The following FRMD4A variants were observed in gnomAD, a reference collection of about 807,000 sequenced individuals.
FRMD4A encodes FERM domain containing 4A, also known as FERM domain-containing protein 4A.
FRMD4A carries 29 observed loss-of-function variants against 129.1 expected under a neutral mutation model. The ratio of observed to expected loss-of-function variants is 0.22; its 90% CI spans 0.17 to 0.31. The LOEUF (loss-of-function observed/expected upper bound fraction) is 0.31. FRMD4A is among the 10% of genes least tolerant of loss of function. The pLI, the probability that FRMD4A is intolerant of heterozygous loss-of-function variation, is 1.00. For synonymous variants in FRMD4A, 634 were observed against 571.6 expected, an observed-to-expected ratio of 1.11 and a Z score of -1.56; for missense variants, 1,272 against 1,375.8, an observed-to-expected ratio of 0.92 and a Z score of 1.19.
At chr10:14,320,775 C>T (rs1176724258) in intron 2 of FRMD4A, among the ~76,000 whole-genome samples, 1 of 152,210 alleles carries the variant, frequency 6.6e-6, no homozygotes, top group African/African-American at 2.4e-5. Flanking sequence ...AGGAAGCAGC[C>T]AATCAATACC....
chr10:13,902,456 G>GGAGAGA (rs140040052), intron 2 of FRMD4A, among the ~76,000 whole-genome samples: 15,972 of 127,556 alleles, frequency 0.13, 1,406 homozygotes, highest in Middle Eastern at 0.23. Flanking sequence ...GCAAAATACT[G>GGAGAGA]GAGAGAGAGA....
intron 8 of FRMD4A, among the ~76,000 whole-genome samples, chr10:13,749,938 A>G (rs2091486385): frequency 6.6e-6 from 1 of 151,310 alleles, no homozygotes; most frequent in Non-Finnish European, 1.5e-5. Context: ...TGGGTGACAG[A>G]GGGAGACCCT....
At chr10:14,125,796 C>G (rs1838806221) in intron 2 of FRMD4A, among the ~76,000 whole-genome samples, 1 of 152,178 alleles carries the variant, frequency 6.6e-6, no homozygotes, top group Non-Finnish European at 1.5e-5. Context: ...TCGGAACTTC[C>G]AGGCTGATAA....
intron 2 of FRMD4A, among the ~76,000 whole-genome samples, chr10:14,174,525 C>G (rs1049348122): frequency 7.2e-6 from 1 of 138,992 alleles, no homozygotes; most frequent in Non-Finnish European, 1.6e-5. Flanking sequence ...AGCACTGTTG[C>G]GTTTGTTCGT....
intron 2 of FRMD4A, among the ~76,000 whole-genome samples, chr10:14,105,708 A>C (rs953659866): frequency 6.6e-6 from 1 of 152,168 alleles, no homozygotes; most frequent in African/African-American, 2.4e-5. Context: ...ATAAATAGTG[A>C]TTGACTGGTA....
intron 15 of FRMD4A, among the ~76,000 whole-genome samples, chr10:13,678,046 G>A (rs1372556724): frequency 6.6e-6 from 1 of 152,142 alleles, no homozygotes; most frequent in African/African-American, 2.4e-5. Context: ...GAAACTCAAG[G>A]GAGGTAAAGC....
intron 2 of FRMD4A, chr10:13,971,839 C>T (rs1375259829): frequency 7.7e-7 from 1 of 1,303,628 alleles, no homozygotes. Flanking sequence ...TGGTCCCTGG[C>T]CCCACATCCA....
At chr10:14,309,635 C>CACTGAG in intron 2 of FRMD4A, among the ~76,000 whole-genome samples, 1 of 152,254 alleles carries the variant, frequency 6.6e-6, no homozygotes, top group South Asian at 2.1e-4. Context: ...ATTAAGGCTT[C>CACTGAG]ACTGAGCAGC....
chr10:14,027,172 G>T (rs1833022590), intron 2 of FRMD4A, among the ~76,000 whole-genome samples: 1 of 152,290 alleles, frequency 6.6e-6, no homozygotes, highest in African/African-American at 2.4e-5. Context: ...TTTCATAAGA[G>T]ATATACTACT....
chr10:13,698,057 T>C (rs1057396922), intron 14 of FRMD4A, among the ~76,000 whole-genome samples: 2 of 148,776 alleles, frequency 1.3e-5, no homozygotes, highest in Non-Finnish European at 1.5e-5. Context: ...CGTAGAATGG[T>C]TTCTTGATGT....
chr10:14,324,176 C>T (rs1195279054), intron 2 of FRMD4A, among the ~76,000 whole-genome samples: 1 of 152,064 alleles, frequency 6.6e-6, no homozygotes, highest in Admixed American at 6.5e-5. Flanking sequence ...ATATATTTAG[C>T]AAAAAATCAT....
chr10:13,676,137 G>A (rs2083961686), intron 15 of FRMD4A: 2 of 152,096 alleles, frequency 1.3e-5, no homozygotes, highest in African/African-American at 4.8e-5. Context: ...TAATTTCTGG[G>A]CTGCCAGTGT....
chr10:13,670,256 G>C, intron 17 of FRMD4A, 150 bp downstream of exon 17: 1 of 710,744 alleles, frequency 1.4e-6, no homozygotes, highest in South Asian at 1.7e-5. Context: ...ACCACATACT[G>C]ACCGGCCAGC....
At chr10:13,910,045 A>G (rs2094925702) in intron 2 of FRMD4A, among the ~76,000 whole-genome samples, 1 of 152,250 alleles carries the variant, frequency 6.6e-6, no homozygotes, top group Non-Finnish European at 1.5e-5. Flanking sequence ...ATTGTAAAAA[A>G]TGGCCACTAT....
chr10:13,792,276 G>A (rs1292439891), intron 5 of FRMD4A, among the ~76,000 whole-genome samples: 3 of 152,194 alleles, frequency 2.0e-5, no homozygotes, highest in Non-Finnish European at 4.4e-5. Flanking sequence ...GTCACAAAGA[G>A]GGCTGGGGTC....
intron 4 of FRMD4A, among the ~76,000 whole-genome samples, chr10:13,808,981 ACACGCACG>A (rs902690358): frequency 1.3e-5 from 2 of 151,168 alleles, no homozygotes; most frequent in South Asian, 4.3e-4. Flanking sequence ...ACGCACGCAC[ACACGCACG>A]CACACACGCA....
intron 2 of FRMD4A, among the ~76,000 whole-genome samples, chr10:14,329,654 A>T (rs906611930): frequency 6.6e-6 from 1 of 152,154 alleles, no homozygotes; most frequent in African/African-American, 2.4e-5. Flanking sequence ...CCATTCTGTC[A>T]CCCCATGGGC....
At chr10:14,206,618 C>T (rs896748713) in intron 2 of FRMD4A, among the ~76,000 whole-genome samples, 2 of 151,580 alleles carry the variant, frequency 1.3e-5, no homozygotes, top group East Asian at 3.9e-4. Context: ...GGCAACACGG[C>T]GAAACCCCAT....
intron 2 of FRMD4A, among the ~76,000 whole-genome samples, chr10:13,973,354 C>T (rs997116732): frequency 6.6e-6 from 1 of 152,078 alleles, no homozygotes; most frequent in Non-Finnish European, 1.5e-5. Context: ...TAATATAATG[C>T]AGCCTTTATT....
Sources: gnomAD v4.1 joint callset for allele counts (sites outside exome capture counted in the v4.1 genomes callset) on GRCh38, gnomAD v4.1.1 for gene constraint, MANE v1.5 for transcripts, NCBI Gene and HGNC (gene_info 2026-07-23, HGNC 2026-07-21) for gene names.